The following WWTR1 variants were observed in gnomAD, a reference collection of about 807,000 sequenced individuals.
WWTR1 encodes the protein WW domain containing transcription regulator 1.
WWTR1 carries 13 observed loss-of-function variants against 40.1 expected under a neutral mutation model. That is an observed-to-expected ratio of 0.32 (90% confidence interval 0.21 to 0.52). WWTR1 has a LOEUF of 0.52. Among genes scored for constraint, WWTR1 ranks in the 20% least tolerant of loss-of-function variants. WWTR1 has a pLI of 0.97. For synonymous variants in WWTR1, 230 were observed against 210.1 expected, an observed-to-expected ratio of 1.09 and a Z score of -0.82; for missense variants, 436 against 523.1, an observed-to-expected ratio of 0.83 and a Z score of 1.63.
At chr3:149,584,057 G>GT (rs1738290043) in intron 2 of WWTR1, among the ~76,000 whole-genome samples, 1 of 152,156 alleles carries the variant, frequency 6.6e-6, no homozygotes, top group African/African-American at 2.4e-5. Flanking sequence ...TTTGACAATT[G>GT]TTTTTCCATG....
At chr3:149,695,710 G>A (rs1189566235) in intron 1 of WWTR1, among the ~76,000 whole-genome samples, 44 of 146,054 alleles carry the variant, frequency 3.0e-4, no homozygotes, top group Non-Finnish European at 5.2e-4. Context: ...GCAGTGAGCC[G>A]AGATCATACC....
intron 1 of WWTR1, among the ~76,000 whole-genome samples, chr3:149,682,317 C>T (rs1337031458): frequency 6.6e-6 from 1 of 152,110 alleles, no homozygotes; most frequent in Non-Finnish European, 1.5e-5. Context: ...ACTGTCATCC[C>T]TAAAGTCAGA....
In WWTR1 at chr3:149,663,363, A is replaced by G. The variant is rs559112251; in HGVS notation, c.-3-6054T>C. On this transcript the variant is annotated intron_variant, in intron 2 of 7. Coordinates refer to the WWTR1 transcript ENST00000465804. ...GCCTCAGAAATCTCTTGCCTCCCCA[A>G]CTGGACTGTAAATAGCTGCAGGGCT... Among the ~76,000 whole-genome samples the G allele has an allele frequency of 3.2e-4, 49 of 151,904 alleles. No individual in the cohort carries two copies. The South Asian group carries it at 5.8e-3, about 18-fold the overall frequency.
intron 2 of WWTR1, among the ~76,000 whole-genome samples, chr3:149,628,311 G>A (rs932864374): frequency 3.9e-5 from 6 of 152,162 alleles, no homozygotes; most frequent in East Asian, 3.8e-4. Flanking sequence ...CAGAGCTTGC[G>A]GTGGCCGAGA....
At chr3:149,633,438 A>G (rs1711645966) in intron 2 of WWTR1, among the ~76,000 whole-genome samples, 1 of 152,222 alleles carries the variant, frequency 6.6e-6, no homozygotes, top group South Asian at 2.1e-4. Flanking sequence ...AATTAAAAGG[A>G]AACTTGGCCA....
intron 4 of WWTR1, among the ~76,000 whole-genome samples, chr3:149,721,015 G>A (rs760158038): frequency 1.3e-5 from 2 of 151,938 alleles, no homozygotes; most frequent in Non-Finnish European, 2.9e-5. Context: ...TTTTGTGTGT[G>A]GAATCTTCAG....
intron 2 of WWTR1, among the ~76,000 whole-genome samples, chr3:149,592,848 A>G (rs1342036903): frequency 6.6e-6 from 1 of 152,098 alleles, no homozygotes; most frequent in Non-Finnish European, 1.5e-5. Context: ...CATCCCTTTG[A>G]AACAGCTGGT....
chr3:149,684,102 TG>T (rs1392522112), intron 1 of WWTR1, among the ~76,000 whole-genome samples: 1 of 152,280 alleles, frequency 6.6e-6, no homozygotes, highest in Admixed American at 6.5e-5. Context: ...TTGAAAAATA[TG>T]GGGGGTGTAG....
chr3:149,706,366 T>C (rs150366383), upstream of WWTR1, among the ~76,000 whole-genome samples: 1,113 of 152,286 alleles, frequency 7.3e-3, 10 homozygotes, highest in South Asian at 0.013. Flanking sequence ...TTGCCCAGGC[T>C]GGAGTGCAAT....
intron 2 of WWTR1, among the ~76,000 whole-genome samples, chr3:149,619,152 A>G (rs571962606): frequency 6.6e-6 from 1 of 152,332 alleles, no homozygotes; most frequent in African/African-American, 2.4e-5. Flanking sequence ...AGGTTGTACC[A>G]TTTAGCTGAT....
chr3:149,575,185 T>C (rs1212058815), intron 2 of WWTR1, among the ~76,000 whole-genome samples: 1 of 152,226 alleles, frequency 6.6e-6, no homozygotes, highest in Non-Finnish European at 1.5e-5. Flanking sequence ...ACAATAGTTT[T>C]AGTTTACACT....
chr3:149,587,202 T>C (rs1738469370), intron 2 of WWTR1, among the ~76,000 whole-genome samples: 2 of 152,154 alleles, frequency 1.3e-5, no homozygotes, highest in Non-Finnish European at 2.9e-5. Context: ...ATACTATCTC[T>C]GGGTAGGTAG....
intron 3 of WWTR1, among the ~76,000 whole-genome samples, chr3:149,557,619 C>G (rs1271113353): frequency 6.6e-6 from 1 of 152,190 alleles, no homozygotes; most frequent in Admixed American, 6.5e-5. Flanking sequence ...CCACACAAGG[C>G]CCCATGGTAT....
At chr3:149,531,767 C>T (rs891243400) in intron 4 of WWTR1, among the ~76,000 whole-genome samples, 2 of 152,114 alleles carry the variant, frequency 1.3e-5, no homozygotes, top group Non-Finnish European at 2.9e-5. Context: ...AGTTTTCATT[C>T]TCTGTCTTTC....
At chr3:149,625,722 C>T (rs1254715036) in intron 2 of WWTR1, among the ~76,000 whole-genome samples, 2 of 151,540 alleles carry the variant, frequency 1.3e-5, no homozygotes, top group Non-Finnish European at 2.9e-5. Flanking sequence ...ACCCACGAGG[C>T]AGAGGTTGCA....
chr3:149,598,082 T>G (rs988063102), intron 2 of WWTR1, among the ~76,000 whole-genome samples: 1 of 152,170 alleles, frequency 6.6e-6, no homozygotes, highest in Non-Finnish European at 1.5e-5. Flanking sequence ...TCCCTGAATA[T>G]GTGACAGGGC....
chr3:149,684,676 A>C (rs1576640060), intron 1 of WWTR1, among the ~76,000 whole-genome samples: 1 of 150,726 alleles, frequency 6.6e-6, no homozygotes, highest in African/African-American at 2.4e-5. Context: ...AAATCCTCCC[A>C]CCTCAGCCAC....
intron 1 of WWTR1, among the ~76,000 whole-genome samples, chr3:149,688,432 G>A (rs1210150341): frequency 6.6e-6 from 1 of 152,176 alleles, no homozygotes; most frequent in East Asian, 1.9e-4. Context: ...AGCTCAGAAT[G>A]GAGAGAGAGA....
intron 2 of WWTR1, among the ~76,000 whole-genome samples, chr3:149,580,435 T>C (rs536805163): frequency 3.9e-5 from 6 of 152,212 alleles, no homozygotes; most frequent in Non-Finnish European, 7.4e-5. Context: ...TGGAAGCCCA[T>C]TGCAGTGGGA....
Sources: allele counts gnomAD v4.1 joint callset (sites outside exome capture counted in the v4.1 genomes callset), GRCh38; gene constraint gnomAD v4.1.1; transcripts MANE v1.5; gene names NCBI Gene and HGNC (gene_info 2026-07-23, HGNC 2026-07-21).